ACBD6: variants seen among roughly 807,000 people sequenced by gnomAD.
ACBD6 encodes acyl-CoA binding domain containing 6, also known as acyl-CoA-binding domain-containing protein 6.
Under a neutral mutation model 37.2 loss-of-function variants are expected in ACBD6, and 28 were observed. That is an observed-to-expected ratio of 0.75 (90% CI 0.56 to 1.03). ACBD6 has a LOEUF of 1.03. Ranked by LOEUF, ACBD6 falls within the 50% of genes least tolerant of loss-of-function variation. ACBD6 has a pLI of 0.00. For missense variants in ACBD6, 340 were observed against 337.4 expected, an observed-to-expected ratio of 1.01 and a Z score of -0.06; for synonymous variants, 113 against 126.8, an observed-to-expected ratio of 0.89 and a Z score of 0.73.
At chr1:180,440,150 C>T (rs1005024640) in intron 3 of ACBD6, among the ~76,000 whole-genome samples, 2 of 151,862 alleles carry the variant, frequency 1.3e-5, no homozygotes, top group Non-Finnish European at 2.9e-5. Flanking sequence ...ACTCTGTGGC[C>T]CAGGCTGGAG....
At chr1:180,290,178 G>A (rs913003106) in intron 7 of ACBD6, among the ~76,000 whole-genome samples, 1 of 147,366 alleles carries the variant, frequency 6.8e-6, no homozygotes, top group African/African-American at 2.6e-5. Flanking sequence ...CAAGAGAAAG[G>A]GTATGGAGCT....
intron 10 of ACBD6, chr1:180,274,400 T>C: frequency 6.2e-7 from 1 of 1,614,214 alleles, no homozygotes; most frequent in Non-Finnish European, 8.5e-7. Context: ...TGGGCTGGAT[T>C]ACACGGTGGA....
In ACBD6 at chr1:180,305,199, C is replaced by T. The variant is rs1258440692; in HGVS notation, c.694+9493G>A. Among the ~76,000 whole-genome samples the T allele has an allele frequency of 2.0e-5, 3 of 152,186 alleles. No individual in the cohort carries two copies. In the East Asian group the frequency reaches 5.8e-4, roughly 29 times the overall value. On this transcript the variant is annotated intron_variant, in intron 7 of 7. Transcript: ENST00000367595. ...AGGACATAGGCATGGGCAAGGACTT[C>T]ATGTCTACAACACCCAAAAGCAATG...
At chr1:180,461,186 C>T (rs879702771) in intron 3 of ACBD6, among the ~76,000 whole-genome samples, 1 of 151,744 alleles carries the variant, frequency 6.6e-6, no homozygotes, top group Admixed American at 6.6e-5. Context: ...ATAAGACAAG[C>T]AGACAAAAAT....
intron 9 of ACBD6, among the ~76,000 whole-genome samples, chr1:180,279,424 G>A (rs568090266): frequency 1.3e-4 from 20 of 152,222 alleles, no homozygotes; most frequent in Middle Eastern, 3.4e-3. Flanking sequence ...AGCCTCCAGA[G>A]TACGTGGGAT....
chr1:180,413,446 A>C lies in ACBD6; in HGVS notation c.493T>G (p.Tyr165Asp). The C allele has an allele frequency of 1.9e-6, 3 of 1,612,884 alleles. No homozygotes were observed. Among genetic ancestry groups the C allele is most frequent in the Non-Finnish European group, 2.5e-6 (3 of 1,179,670 alleles). The change falls in exon 5 of 8, where the codon TAC becomes GAC. Residue 165 changes from tyrosine (Y) to aspartate (D), a missense_variant. Transcript: ENST00000367595. ...IREEDKNIFD[Y>D]CRENNIDHIT... is the part of the protein sequence containing the mutation. ...TGGTCAATGTTGTTTTCCCTGCAGT[A>C]ATCAAATATATTTTTGTCTTCTTCC... is the stretch of plus-strand genomic sequence containing the variant.
intron 4 of ACBD6, among the ~76,000 whole-genome samples, chr1:180,422,453 G>A (rs1366399217): frequency 1.3e-5 from 2 of 152,196 alleles, no homozygotes; most frequent in Admixed American, 6.5e-5. Flanking sequence ...TGATCCACCC[G>A]TCTTGGCCTT....
chr1:180,494,571 G>A (rs996196806), intron 2 of ACBD6, among the ~76,000 whole-genome samples: 1 of 152,162 alleles, frequency 6.6e-6, no homozygotes, highest in Non-Finnish European at 1.5e-5. Context: ...CCTAACAGTT[G>A]GGTAACAAAC....
chr1:180,413,766 G>A (rs1647961700), intron 4 of ACBD6, among the ~76,000 whole-genome samples: 1 of 151,926 alleles, frequency 6.6e-6, no homozygotes, highest in Admixed American at 6.6e-5. Flanking sequence ...ACAAAAAGAG[G>A]GGGGCATTAA....
At chr1:180,464,908 C>T (rs1210075069) in intron 3 of ACBD6, among the ~76,000 whole-genome samples, 4 of 152,142 alleles carry the variant, frequency 2.6e-5, no homozygotes, top group Non-Finnish European at 5.9e-5. Context: ...TGATCTTTGA[C>T]AAAGCTGACA....
chr1:180,380,838 C>T (rs987227672), intron 6 of ACBD6, among the ~76,000 whole-genome samples: 1 of 151,978 alleles, frequency 6.6e-6, no homozygotes, highest in African/African-American at 2.4e-5. Context: ...AGAAATCAAG[C>T]AATAAAATGG....
chr1:180,491,960 C>A (rs1313482160), intron 3 of ACBD6, among the ~76,000 whole-genome samples: 1 of 152,210 alleles, frequency 6.6e-6, no homozygotes, highest in South Asian at 2.1e-4. Context: ...CAGGTGTGTA[C>A]CACCACGTCC....
intron 4 of ACBD6, among the ~76,000 whole-genome samples, chr1:180,423,952 C>T (rs1648477779): frequency 2.6e-5 from 4 of 152,072 alleles, no homozygotes; most frequent in Non-Finnish European, 5.9e-5. Context: ...ATCATCAGTA[C>T]ATTGATACAT....
intron 6 of ACBD6, among the ~76,000 whole-genome samples, chr1:180,340,627 A>G (rs1316454734): frequency 2.6e-5 from 4 of 152,034 alleles, no homozygotes; most frequent in African/African-American, 9.7e-5. Context: ...GAGAAAACTG[A>G]TAATACAAAA....
At chr1:180,469,184 C>G (rs532749796) in intron 3 of ACBD6, among the ~76,000 whole-genome samples, 1 of 152,216 alleles carries the variant, frequency 6.6e-6, no homozygotes, top group East Asian at 1.9e-4. Flanking sequence ...CAAGAATTAC[C>G]CTGATTGTTT....
At chr1:180,498,374 A>G (rs186907834) in intron 1 of ACBD6, among the ~76,000 whole-genome samples, 38 of 152,374 alleles carry the variant, frequency 2.5e-4, no homozygotes, top group African/African-American at 8.7e-4. Flanking sequence ...TTGAGTAGGT[A>G]TAATTATCTG....
chr1:180,391,144 T>C (rs1489920172), intron 6 of ACBD6, among the ~76,000 whole-genome samples: 1 of 152,108 alleles, frequency 6.6e-6, no homozygotes, highest in African/African-American at 2.4e-5. Context: ...AGAATGAAGT[T>C]AGACCCCTAC....
intron 3 of ACBD6, among the ~76,000 whole-genome samples, chr1:180,486,100 A>C (rs1294681005): frequency 6.6e-6 from 1 of 152,180 alleles, no homozygotes; most frequent in Non-Finnish European, 1.5e-5. Context: ...GGCCCTGACC[A>C]TTCTTTACCT....
downstream of ACBD6, among the ~76,000 whole-genome samples, chr1:180,284,983 G>T (rs900015076): frequency 1.3e-5 from 2 of 151,934 alleles, no homozygotes; most frequent in Non-Finnish European, 2.9e-5. Flanking sequence ...GAGAAAAAAA[G>T]AAATTAGTTG....
Sources: allele counts gnomAD v4.1 joint callset (sites outside exome capture counted in the v4.1 genomes callset), GRCh38; gene constraint gnomAD v4.1.1; transcripts MANE v1.5; gene names NCBI Gene and HGNC (gene_info 2026-07-23, HGNC 2026-07-21).